Variants in MYO3A observed in about 807,000 individuals in gnomAD.
The protein encoded by MYO3A is myosin IIIA, also known as myosin-IIIa.
MYO3A carries 180 observed loss-of-function variants against 192.7 expected under a neutral mutation model. The observed-to-expected ratio is 0.93, with a 90% CI of 0.83 to 1.06. The LOEUF is 1.06. Ranked by LOEUF, MYO3A falls within the 50% of genes least tolerant of loss-of-function variation. The pLI is 0.00. For synonymous variants in MYO3A, 628 were observed against 645.3 expected (o/e 0.97, Z 0.41); for missense variants, 1,896 against 1,905.0 (o/e 1.00, Z 0.09).
chr10:26,147,644 A>C, intron 23 of MYO3A, 85 bp downstream of exon 23: 1 of 1,583,232 alleles, frequency 6.3e-7, no homozygotes, highest in South Asian at 1.1e-5. Flanking sequence ...TTTCATCCTT[A>C]ATTTTTCATG....
intron 7 of MYO3A, among the ~76,000 whole-genome samples, chr10:26,021,076 G>A (rs1222465202): frequency 1.3e-5 from 2 of 152,132 alleles, no homozygotes; most frequent in African/African-American, 2.4e-5. Flanking sequence ...CAGCCCTCAA[G>A]CATATTTACC....
At chr10:25,941,482 GC>G (rs1836484199) in intron 2 of MYO3A, among the ~76,000 whole-genome samples, 1 of 152,126 alleles carries the variant, frequency 6.6e-6, no homozygotes, top group African/African-American at 2.4e-5. Flanking sequence ...GGATGATCAT[GC>G]ATGGATCTGA....
rs746900094 is a variant in MYO3A, at chr10:26,125,606, A to G, written c.2112A>G (p.Pro704=). 2 of 1,613,786 alleles carry G rather than the reference A, an allele frequency of 1.2e-6. No individual in the cohort carries two copies. The change falls in exon 19 of 35, where the codon CCA becomes CCG. Residue 704 remains proline (P), a splice_region_variant and synonymous_variant. Transcript: ENST00000642920. ...INSLLKHDSS[P]SGNGDELSIG... ...GTTTGTTGAAGCATGACTCATCACC[A>G]AGGTAAAAATTTTTACAGAAACATT...
At position 26,003,144 on chromosome 10, in the gene MYO3A, G is replaced by A. The variant is rs145673855; in HGVS notation, c.508+5886G>A. The stretch of plus-strand genomic sequence containing the variant: ...AAAAAGTCTCTGCCTCCTAAGATTG[G>A]TTGCTGTGAAGAATAAATGGGATGC... On this transcript the variant is annotated intron_variant, in intron 6 of 34. Coordinates refer to ENST00000642920, the MANE Select transcript of MYO3A (RefSeq NM_017433.5). 3.1e-3 allele frequency among the ~76,000 whole-genome samples: 470 copies of A among 152,300 alleles called. 2 individuals are homozygous for A. Among genetic ancestry groups the A allele is most frequent in the Admixed American group, 4.9e-3 (75 of 15,298 alleles).
intron 6 of MYO3A, among the ~76,000 whole-genome samples, chr10:26,007,361 A>G (rs1465687928): frequency 1.3e-5 from 2 of 149,394 alleles, no homozygotes; most frequent in Non-Finnish European, 2.9e-5. Context: ...TATTCAACAT[A>G]GTGTTGGAAG....
intron 26 of MYO3A, among the ~76,000 whole-genome samples, chr10:26,162,859 T>C (rs1841549200): frequency 6.6e-6 from 1 of 152,228 alleles, no homozygotes; most frequent in Admixed American, 6.5e-5. Context: ...GTTGGTGCGT[T>C]TTGCATAAGA....
chr10:26,140,438 C>T lies in MYO3A; in HGVS notation c.2263-3010C>T, dbSNP rs1589024772. Among the ~76,000 whole-genome samples the T allele has an allele frequency of 2.6e-5, 4 of 152,244 alleles. No homozygotes were observed. The South Asian group carries it at 6.2e-4, about 24-fold the overall frequency. ...GTGGCTCACGCCTGTAATCCCAGCA[C>T]TTTGGGAGGCTGAGGCAGGTGGATC... is the stretch of plus-strand genomic sequence containing the variant. On this transcript the variant is annotated intron_variant, in intron 20 of 34. Coordinates refer to ENST00000642920, the MANE Select transcript of MYO3A (RefSeq NM_017433.5).
At chr10:26,045,021 T>C (rs78355998) in intron 10 of MYO3A, among the ~76,000 whole-genome samples, 24,722 of 152,142 alleles carry the variant, frequency 0.16, 2,299 homozygotes, top group Non-Finnish European at 0.21. Context: ...GCAAAATCCC[T>C]GGCAGAGCAA....
intron 10 of MYO3A, among the ~76,000 whole-genome samples, chr10:26,048,352 CTTG>C (rs960177381): frequency 1.4e-4 from 21 of 148,810 alleles, no homozygotes; most frequent in African/African-American, 4.7e-4. Context: ...ATAAATACAG[CTTG>C]TTTTTTTTTT....
chr10:26,033,449 C>T (rs1842891897), intron 10 of MYO3A, among the ~76,000 whole-genome samples: 1 of 152,112 alleles, frequency 6.6e-6, no homozygotes, highest in South Asian at 2.1e-4. Context: ...ATTATCTTAA[C>T]CTATTCCTCT....
intron 9 of MYO3A, 110 bp from the exon 10 acceptor site, chr10:26,026,267 A>G: frequency 7.6e-7 from 1 of 1,310,280 alleles, no homozygotes; most frequent in South Asian, 1.3e-5. Flanking sequence ...TGGGCTGAGC[A>G]TTTATGAGGA....
intron 31 of MYO3A, among the ~76,000 whole-genome samples, chr10:26,181,427 G>A (rs1842612646): frequency 6.6e-6 from 1 of 152,132 alleles, no homozygotes; most frequent in Non-Finnish European, 1.5e-5. Flanking sequence ...AAAAGTTAAA[G>A]AGCTGAAGAC....
chr10:26,103,383 G>A (rs1234766525), intron 17 of MYO3A, among the ~76,000 whole-genome samples: 1 of 152,194 alleles, frequency 6.6e-6, no homozygotes, highest in Non-Finnish European at 1.5e-5. Context: ...TCCGTGGGCT[G>A]CACCCACTGT....
Position 26,061,755 on chromosome 10 carries a change from G to A in MYO3A, c.954-5220G>A, listed in dbSNP as rs1306002051. ...AAGATGAATTCACAAGAGTGGAAGA[G>A]TGAGGGCACCAACCAGCCAAGTATT... On this transcript the variant is annotated intron_variant, in intron 10 of 34. Coordinates refer to ENST00000642920, the MANE Select transcript of MYO3A (RefSeq NM_017433.5). Among the ~76,000 whole-genome samples, 3 of 152,260 alleles carry A rather than the reference G, an allele frequency of 2.0e-5. No homozygotes were observed. In the East Asian group the frequency reaches 5.8e-4, roughly 29 times the overall value.
At position 26,120,727 on chromosome 10, in the gene MYO3A, A is replaced by G. The variant is rs151254539; in HGVS notation, c.1828A>G (p.Ile610Val). 2.1e-4 allele frequency: 343 copies of G among 1,614,126 alleles called. No homozygotes were observed. The highest frequency in any genetic ancestry group is 1.2e-3 in the Middle Eastern group (7 of 6,060). The change falls in exon 18 of 35, where the codon ATT (isoleucine) becomes GTT (valine). Residue 610 changes from isoleucine to valine, a missense_variant. Physicochemically the swap from Ile to Val is conservative, Grantham distance 29. Coordinates refer to ENST00000642920, the MANE Select transcript of MYO3A (RefSeq NM_017433.5). Reference protein sequence around the residue: ...ILAAILNVGNIEFSSVATEHQ... With the variant: ...ILAAILNVGNVEFSSVATEHQ... ...CGCTGCAATCTTGAATGTTGGCAAC[A>G]TTGAATTTTCTTCTGTGGCAACTGA...
rs150976050 is a variant in MYO3A, at chr10:26,109,008, C to T, written c.1777-11668C>T. Among the ~76,000 whole-genome samples the T allele has an allele frequency of 6.9e-3, 1,043 of 152,256 alleles. 5 individuals are homozygous for T. The highest frequency in any genetic ancestry group is 0.011 in the Non-Finnish European group (741 of 68,012). ...CATCTCCCCAAAGCTAACTTTATAA[C>T]CCAGAAATTTTCCAGACAGTTATTT... is the stretch of plus-strand genomic sequence containing the variant. On this transcript the variant is annotated intron_variant, in intron 17 of 34. Coordinates refer to ENST00000642920, the MANE Select transcript of MYO3A (RefSeq NM_017433.5).
At chr10:25,984,619 C>T (rs952543955) in intron 4 of MYO3A, among the ~76,000 whole-genome samples, 8 of 152,124 alleles carry the variant, frequency 5.3e-5, no homozygotes, top group African/African-American at 9.7e-5. Flanking sequence ...TTAAACTTTT[C>T]GCTCTTTGAA....
intron 15 of MYO3A, among the ~76,000 whole-genome samples, chr10:26,088,607 A>G (rs141683559): frequency 1.5e-3 from 235 of 152,356 alleles, no homozygotes; most frequent in African/African-American, 5.4e-3. Flanking sequence ...TTAATGTATA[A>G]CCTAAAATTT....
intron 33 of MYO3A, among the ~76,000 whole-genome samples, chr10:26,201,689 C>CAAA (rs34428324): frequency 3.7e-5 from 3 of 81,684 alleles, no homozygotes; most frequent in African/African-American, 9.5e-5. Context: ...GACTCCGTCT[C>CAAA]AAAAAAAAAA....
Sources: gnomAD v4.1 joint callset for allele counts (sites outside exome capture counted in the v4.1 genomes callset) on GRCh38, gnomAD v4.1.1 for gene constraint, MANE v1.5 for transcripts, NCBI Gene and HGNC (gene_info 2026-07-23, HGNC 2026-07-21) for gene names.